The following EML4 variants were observed in gnomAD, a reference collection of about 807,000 sequenced individuals.
EML4 encodes EMAP like 4.
A neutral mutation model predicts 129.0 loss-of-function variants in EML4; 72 were observed. The ratio of observed to expected loss-of-function variants is 0.56; its 90% CI spans 0.46 to 0.68. The LOEUF (loss-of-function observed/expected upper bound fraction) is 0.68, where lower values mean the gene tolerates loss of function less well. Ranked by LOEUF, EML4 falls within the 30% of genes least tolerant of loss-of-function variation. The pLI is 0.00. For synonymous variants in EML4, 532 were observed against 405.0 expected (o/e 1.31, Z -3.77); for missense variants, 1,363 against 1,190.6 (o/e 1.14, Z -2.13).
At chr2:42,198,326 A>G (rs762119457) in intron 1 of EML4, among the ~76,000 whole-genome samples, 9 of 152,176 alleles carry the variant, frequency 5.9e-5, no homozygotes, top group Non-Finnish European at 1.2e-4. Context: ...TGATTGACCT[A>G]ATGTCTCTAA....
At position 42,274,039 on chromosome 2, in the gene EML4, A is replaced by G. The variant is rs368189713; in HGVS notation, c.668-6811A>G. On this transcript the variant is annotated intron_variant, in intron 6 of 22. Coordinates refer to ENST00000318522, the MANE Select transcript of EML4 (RefSeq NM_019063.5). ...CCAAAAATGGTCCTTGTCACTTTCT[A>G]CTATAAAATTACAGTAAATATTTCT... Among the ~76,000 whole-genome samples, 16 of 152,338 alleles carry G rather than the reference A, an allele frequency of 1.1e-4. No homozygotes were observed. The East Asian group carries it at 1.9e-3, about 18-fold the overall frequency.
intron 2 of EML4, among the ~76,000 whole-genome samples, chr2:42,250,904 T>G (rs1014243701): frequency 6.6e-6 from 1 of 152,192 alleles, no homozygotes; most frequent in African/African-American, 2.4e-5. Flanking sequence ...GTTGGGGTGA[T>G]GGGAGACAGT....
At chr2:42,203,709 A>G (rs2103978587) in intron 1 of EML4, among the ~76,000 whole-genome samples, 1 of 151,234 alleles carries the variant, frequency 6.6e-6, no homozygotes, top group African/African-American at 2.4e-5. Flanking sequence ...CTGAACATAA[A>G]GAGGGGAAAA....
At chr2:42,292,130 G>T (rs1185556844) in intron 11 of EML4, among the ~76,000 whole-genome samples, 1 of 152,200 alleles carries the variant, frequency 6.6e-6, no homozygotes, top group African/African-American at 2.4e-5. Flanking sequence ...GGACATGGAG[G>T]AAAGGACACT....
At chr2:42,320,565 C>T (rs997503818) in intron 19 of EML4, among the ~76,000 whole-genome samples, 1 of 152,070 alleles carries the variant, frequency 6.6e-6, no homozygotes, top group African/African-American at 2.4e-5. Context: ...CATTATTTTC[C>T]ATGACTAGAT....
At chr2:42,261,056 C>T in intron 3 of EML4, 65 bp from the exon 4 acceptor site, 2 of 1,235,128 alleles carry the variant, frequency 1.6e-6, no homozygotes, top group East Asian at 4.7e-5. Flanking sequence ...AATCACTTTT[C>T]TATCGTTTGA....
At chr2:42,321,407 A>G (rs1669516704) in intron 19 of EML4, among the ~76,000 whole-genome samples, 1 of 152,056 alleles carries the variant, frequency 6.6e-6, no homozygotes, top group Non-Finnish European at 1.5e-5. Context: ...AGTAGTACCT[A>G]TTCACTTGAA....
chr2:42,220,102 A>G (rs960165396), intron 1 of EML4, among the ~76,000 whole-genome samples: 24 of 152,064 alleles, frequency 1.6e-4, no homozygotes, highest in Non-Finnish European at 7.4e-5. Flanking sequence ...GAAACAGCAA[A>G]ATTCTCAAAA....
At chr2:42,235,549 T>A (rs899897048) in intron 1 of EML4, among the ~76,000 whole-genome samples, 3 of 152,202 alleles carry the variant, frequency 2.0e-5, no homozygotes, top group African/African-American at 7.2e-5. Flanking sequence ...GCTTCTCTAA[T>A]CTAACCTAAT....
intron 11 of EML4, among the ~76,000 whole-genome samples, chr2:42,291,266 G>T (rs1178609182): frequency 1.3e-5 from 2 of 152,036 alleles, no homozygotes; most frequent in African/African-American, 4.8e-5. Context: ...AGCATGAAAG[G>T]TAAAAAACAG....
Position 42,235,221 on chromosome 2 carries a change from G to A in EML4, c.26-10284G>A, listed in dbSNP as rs187739028. Among the ~76,000 whole-genome samples, 364 of 151,936 alleles carry A rather than the reference G, an allele frequency of 2.4e-3. 4 individuals are homozygous for A. The highest frequency in any genetic ancestry group is 1.8e-3 in the Non-Finnish European group (120 of 67,938). ...TAATGCAGGAGAATCGCTTGAACCC[G>A]GGAGGCAGAGGTTGCAGTGAGCCGA... On this transcript the variant is annotated intron_variant, in intron 1 of 22. Coordinates refer to ENST00000318522, the MANE Select transcript of EML4 (RefSeq NM_019063.5).
Position 42,302,672 on chromosome 2 carries a change from T to G in EML4, c.1642-432T>G, listed in dbSNP as rs575680494. Among the ~76,000 whole-genome samples, 244 of 152,138 alleles carry G rather than the reference T, an allele frequency of 1.6e-3. 1 individual carries two copies. Among genetic ancestry groups the G allele is most frequent in the African/African-American group, 5.7e-3 (236 of 41,510 alleles). Reference sequence around the variant, plus strand: ...CCTCAGCCTCCTCAGTAGCTGGGATTATAGGCGCCCGCCACCGCACCTGGC... The same window carrying G: ...CCTCAGCCTCCTCAGTAGCTGGGATGATAGGCGCCCGCCACCGCACCTGGC... On this transcript the variant is annotated intron_variant, in intron 14 of 22. Transcript: ENST00000318522.
intron 6 of EML4, among the ~76,000 whole-genome samples, chr2:42,267,630 C>T (rs975483738): frequency 3.9e-5 from 6 of 152,100 alleles, no homozygotes; most frequent in Non-Finnish European, 1.5e-5. Flanking sequence ...CTGCATATTC[C>T]AGTCACCACT....
intron 21 of EML4, among the ~76,000 whole-genome samples, chr2:42,326,591 T>C (rs1361747432): frequency 1.3e-5 from 2 of 152,168 alleles, no homozygotes; most frequent in African/African-American, 2.4e-5. Flanking sequence ...ACCTAAAGTG[T>C]AAAATTCAGG....
chr2:42,307,059 G>C (rs916276946), intron 17 of EML4, among the ~76,000 whole-genome samples: 1 of 152,184 alleles, frequency 6.6e-6, no homozygotes, highest in African/African-American at 2.4e-5. Flanking sequence ...AGCATACTAT[G>C]TATACAAGGG....
chr2:42,309,472 A>T (rs1170406506), intron 17 of EML4, among the ~76,000 whole-genome samples: 2 of 150,956 alleles, frequency 1.3e-5, no homozygotes, highest in Admixed American at 1.3e-4. Flanking sequence ...TTTAGGAACT[A>T]CCAAACTTTT....
rs759272459 is a variant in EML4 at position 42,329,714 on chromosome 2, G to T, written c.2473-20G>T. ...AAGAATGAGTTTAATTTTCCTGTCTGTCTGATTTATTTCATATAGGCTCCC... is the reference window on the plus strand; with the variant it reads ...AAGAATGAGTTTAATTTTCCTGTCTTTCTGATTTATTTCATATAGGCTCCC... On this transcript the variant is annotated intron_variant, in intron 22 of 22. Coordinates refer to ENST00000318522, the MANE Select transcript of EML4 (RefSeq NM_019063.5). The T allele has an allele frequency of 6.9e-6, 11 of 1,597,184 alleles. No homozygotes were observed. The highest frequency in any genetic ancestry group is 9.4e-6 in the Non-Finnish European group (11 of 1,166,428).
chr2:42,303,249 C>A lies in EML4; in HGVS notation c.1767+20C>A. On this transcript the variant is annotated intron_variant, in intron 15 of 22. Coordinates refer to ENST00000318522, the MANE Select transcript of EML4 (RefSeq NM_019063.5). The stretch of plus-strand genomic sequence containing the variant: ...GTACAGGTAAGCTGTGTGATATTAA[C>A]CGTTAACTGAATATTTTTTATGATA... 1 of 1,613,988 alleles carries A rather than the reference C, an allele frequency of 6.2e-7. No homozygotes were observed. Among genetic ancestry groups the A allele is most frequent in the Non-Finnish European group, 8.5e-7 (1 of 1,179,934 alleles).
At chr2:42,226,329 G>A (rs571322372) in intron 1 of EML4, among the ~76,000 whole-genome samples, 1 of 152,060 alleles carries the variant, frequency 6.6e-6, no homozygotes, top group Non-Finnish European at 1.5e-5. Flanking sequence ...AAGTTGAAGA[G>A]ATCTATTGTA....
Sources: allele counts gnomAD v4.1 joint callset (sites outside exome capture counted in the v4.1 genomes callset), GRCh38; gene constraint gnomAD v4.1.1; transcripts MANE v1.5; gene names NCBI Gene and HGNC (gene_info 2026-07-23, HGNC 2026-07-21).